RALYL: variants seen among roughly 807,000 people sequenced by gnomAD.
RALYL encodes the protein RALY RNA binding protein like, also known as RNA-binding Raly-like protein.
Under a neutral mutation model 35.1 loss-of-function variants are expected in RALYL, and 29 were observed. The ratio of observed to expected loss-of-function variants is 0.83; its 90% CI spans 0.61 to 1.13. The LOEUF is 1.13. Among genes scored for constraint, RALYL ranks in the 50% most tolerant of loss-of-function variants. The pLI is 0.00. For missense variants in RALYL, 359 were observed against 360.4 expected (o/e 1.00, Z 0.03); for synonymous variants, 120 against 127.6 (o/e 0.94, Z 0.40).
At position 84,386,755 on chromosome 8, in the gene RALYL, A is replaced by C. The variant is rs190038806; in HGVS notation, c.-23-142544A>C. Among the ~76,000 whole-genome samples the C allele has an allele frequency of 3.5e-3, 533 of 151,946 alleles. 9 individuals carry two copies. The highest frequency in any genetic ancestry group is 0.017 in the Middle Eastern group (5 of 294). ...AGGATAAACTACCAAGGAATGTTGC[A>C]AGGCCTTTCATAATATCACTCTTTC... On this transcript the variant is annotated intron_variant, in intron 1 of 8. Coordinates refer to ENST00000521268, the MANE Select transcript of RALYL (RefSeq NM_173848.7).
intron 2 of RALYL, among the ~76,000 whole-genome samples, chr8:84,585,324 C>T (rs1173284509): frequency 1.3e-5 from 2 of 151,966 alleles, no homozygotes; most frequent in Non-Finnish European, 2.9e-5. Flanking sequence ...TAATTCAGTG[C>T]TGTGTATATT....
intron 1 of RALYL, among the ~76,000 whole-genome samples, chr8:84,455,647 A>G (rs1399671698): frequency 6.6e-6 from 1 of 152,038 alleles, no homozygotes; most frequent in Non-Finnish European, 1.5e-5. Flanking sequence ...AACATCCATA[A>G]TAATCAAATG....
At chr8:84,830,131 C>A (rs1342957583) in intron 4 of RALYL, among the ~76,000 whole-genome samples, 1 of 150,274 alleles carries the variant, frequency 6.7e-6, no homozygotes, top group Non-Finnish European at 1.5e-5. Context: ...TGAACTGAAA[C>A]AAAGAGGCAG....
At chr8:84,494,875 T>A (rs1424027981) in intron 1 of RALYL, among the ~76,000 whole-genome samples, 1 of 152,118 alleles carries the variant, frequency 6.6e-6, no homozygotes, top group Non-Finnish European at 1.5e-5. Flanking sequence ...TCTCCCTATT[T>A]GAATACACTT....
chr8:84,464,168 T>A (rs1398954311), intron 1 of RALYL, among the ~76,000 whole-genome samples: 1 of 151,808 alleles, frequency 6.6e-6, no homozygotes, highest in Non-Finnish European at 1.5e-5. Context: ...TACTTTAAGT[T>A]TTAGGGTACA....
chr8:84,670,256 C>A (rs1299597906), intron 2 of RALYL, among the ~76,000 whole-genome samples: 1 of 152,108 alleles, frequency 6.6e-6, no homozygotes, highest in African/African-American at 2.4e-5. Context: ...GACTTCAAAG[C>A]TCTTTTGTTG....
chr8:84,905,626 A>C (rs917768806), intron 8 of RALYL, among the ~76,000 whole-genome samples: 1 of 152,070 alleles, frequency 6.6e-6, no homozygotes. Flanking sequence ...CCTATTAAAC[A>C]ATGAATTTTT....
intron 1 of RALYL, among the ~76,000 whole-genome samples, chr8:84,275,799 G>A (rs541607756): frequency 3.4e-4 from 52 of 152,198 alleles, no homozygotes; most frequent in African/African-American, 1.3e-3. Context: ...TTGGAAAGAT[G>A]AAATAGCCAA....
intron 1 of RALYL, among the ~76,000 whole-genome samples, chr8:84,201,325 G>C (rs1816787788): frequency 6.6e-6 from 1 of 152,270 alleles, no homozygotes; most frequent in Middle Eastern, 3.4e-3. Flanking sequence ...GGGGAAATAT[G>C]AGCATGTAAT....
intron 4 of RALYL, among the ~76,000 whole-genome samples, chr8:84,848,990 C>T (rs1351319665): frequency 6.6e-6 from 1 of 152,130 alleles, no homozygotes; most frequent in East Asian, 1.9e-4. Flanking sequence ...GCTCTGTCAC[C>T]TAGTAGGAAT....
chr8:84,822,016 T>C (rs1828636094), intron 4 of RALYL, among the ~76,000 whole-genome samples: 1 of 152,162 alleles, frequency 6.6e-6, no homozygotes, highest in South Asian at 2.1e-4. Context: ...AATGTGCTTG[T>C]AGTTTTATTC....
chr8:84,357,366 C>T (rs1291509390), intron 1 of RALYL, among the ~76,000 whole-genome samples: 1 of 151,936 alleles, frequency 6.6e-6, no homozygotes, highest in Non-Finnish European at 1.5e-5. Flanking sequence ...CCACTTACTG[C>T]CTATAGCTGT....
chr8:84,390,627 T>C (rs982810582), intron 1 of RALYL, among the ~76,000 whole-genome samples: 7 of 152,022 alleles, frequency 4.6e-5, no homozygotes, highest in Admixed American at 1.3e-4. Context: ...AGTTTATTTG[T>C]GTAGAGGTGT....
chr8:84,654,310 T>TATATATAC (rs1554766145), intron 2 of RALYL, among the ~76,000 whole-genome samples: 15 of 134,722 alleles, frequency 1.1e-4, no homozygotes, highest in African/African-American at 3.8e-4. Flanking sequence ...TATATATATA[T>TATATATAC]ATATCATGTA....
chr8:84,577,910 A>G (rs1809853358), intron 2 of RALYL, among the ~76,000 whole-genome samples: 1 of 152,242 alleles, frequency 6.6e-6, no homozygotes, highest in South Asian at 2.1e-4. Context: ...TTAATAAAAT[A>G]AAGTATCTAA....
rs1295983367 is a variant in RALYL at position 84,754,819 on chromosome 8, G to T, written c.257-19760G>T. Among the ~76,000 whole-genome samples, 9 of 152,104 alleles carry T rather than the reference G, an allele frequency of 5.9e-5. No homozygotes were observed. In the South Asian group the frequency reaches 6.2e-4, roughly 11 times the overall value. ...CTTGTGGGGAGGTAGATGGCAATAA[G>T]AAGAAGAAGAACAGTAACCATTGAG... On this transcript the variant is annotated intron_variant, in intron 2 of 8. Transcript: ENST00000521268.
intron 2 of RALYL, among the ~76,000 whole-genome samples, chr8:84,774,271 G>GAT (rs1405386765): frequency 6.6e-6 from 1 of 152,080 alleles, no homozygotes; most frequent in Non-Finnish European, 1.5e-5. Flanking sequence ...TCAACATTTT[G>GAT]ATTGTTTATA....
At chr8:84,689,214 G>A (rs1182461533) in intron 2 of RALYL, among the ~76,000 whole-genome samples, 1 of 152,082 alleles carries the variant, frequency 6.6e-6, no homozygotes, top group Admixed American at 6.6e-5. Flanking sequence ...ATCTGCCAAT[G>A]CTATCCCTCC....
intron 2 of RALYL, among the ~76,000 whole-genome samples, chr8:84,573,938 C>T (rs1005733751): frequency 3.3e-5 from 5 of 151,786 alleles, no homozygotes; most frequent in Non-Finnish European, 1.5e-5. Flanking sequence ...TATATTATCT[C>T]CACCTGCTCT....
Sources: allele counts gnomAD v4.1 joint callset (sites outside exome capture counted in the v4.1 genomes callset), GRCh38; gene constraint gnomAD v4.1.1; transcripts MANE v1.5; gene names NCBI Gene and HGNC (gene_info 2026-07-23, HGNC 2026-07-21).